The following UBE2D3 variants were observed in gnomAD, a reference collection of about 807,000 sequenced individuals.
The protein encoded by UBE2D3 is ubiquitin-conjugating enzyme E2 D3.
A neutral mutation model predicts 22.8 loss-of-function variants in UBE2D3; 2 were observed. The ratio of observed to expected loss-of-function variants is 0.09; its 90% CI spans 0.04 to 0.28. The LOEUF (loss-of-function observed/expected upper bound fraction) is 0.28. UBE2D3 is among the 10% of genes least tolerant of loss of function. The pLI is 1.00. For synonymous variants in UBE2D3, 56 were observed against 60.4 expected, an observed-to-expected ratio of 0.93 and a Z score of 0.34; for missense variants, 27 against 182.5, an observed-to-expected ratio of 0.15 and a Z score of 4.91.
intron 4 of UBE2D3, among the ~76,000 whole-genome samples, chr4:102,806,496 T>C (rs917127552): frequency 3.3e-5 from 5 of 152,110 alleles, no homozygotes; most frequent in Non-Finnish European, 5.9e-5. Context: ...GACATAATAA[T>C]ACACTTGAAA....
intron 1 of UBE2D3, among the ~76,000 whole-genome samples, chr4:102,867,837 T>C (rs1437110628): frequency 6.6e-6 from 1 of 152,176 alleles, no homozygotes; most frequent in African/African-American, 2.4e-5. Flanking sequence ...AAGATCAAGC[T>C]TGCCCAACAG....
rs576068158 is a variant in UBE2D3 at position 102,863,502 on chromosome 4, C to A, written c.-129+5213G>T. On this transcript the variant is annotated intron_variant, in intron 1 of 7. Transcript: ENST00000338145. ...ACCAACAACATTGGGGATCAAATTTCTTTTTCTTTTTTGAGACAGTCTCAC... is the reference window on the plus strand; with the variant it reads ...ACCAACAACATTGGGGATCAAATTTATTTTTCTTTTTTGAGACAGTCTCAC... 8.6e-5 allele frequency among the ~76,000 whole-genome samples: 13 copies of A among 151,792 alleles called. No homozygotes were observed. The South Asian group carries it at 2.7e-3, about 32-fold the overall frequency.
chr4:102,862,343 T>A (rs223341), intron 1 of UBE2D3, among the ~76,000 whole-genome samples: 81,322 of 151,326 alleles, frequency 0.54, 22,955 homozygotes, highest in African/African-American at 0.68. Context: ...ATTCTTTTTT[T>A]AAAAAAATTG....
At chr4:102,821,840 A>G (rs1169129847) in intron 2 of UBE2D3, among the ~76,000 whole-genome samples, 1 of 152,212 alleles carries the variant, frequency 6.6e-6, no homozygotes, top group Non-Finnish European at 1.5e-5. Context: ...AATGTAATTC[A>G]TGTCACACCC....
upstream of UBE2D3, chr4:102,827,872 G>C: frequency 1.0e-6 from 1 of 985,674 alleles, no homozygotes; most frequent in Non-Finnish European, 1.2e-6. Context: ...ACCATGGGAG[G>C]AAGGTAAAGG....
At chr4:102,819,720 T>C (rs1729293940) in intron 2 of UBE2D3, 1 of 401,456 alleles carries the variant, frequency 2.5e-6, no homozygotes, top group Non-Finnish European at 3.4e-6. Flanking sequence ...GTTCCACAAA[T>C]CATTTGTTAT....
At chr4:102,826,918 G>GC (rs1730605639) in intron 1 of UBE2D3, 1 of 1,019,906 alleles carries the variant, frequency 9.8e-7, no homozygotes, top group Admixed American at 5.7e-5. Flanking sequence ...AGGGTCCGGA[G>GC]CCCAGCAGAG....
chr4:102,842,889 C>G (rs1731836155), intron 1 of UBE2D3, among the ~76,000 whole-genome samples: 1 of 108,156 alleles, frequency 9.2e-6, no homozygotes, highest in Admixed American at 9.6e-5. Flanking sequence ...GTGGGTGGAT[C>G]ACCTGAGGTC....
intron 4 of UBE2D3, among the ~76,000 whole-genome samples, chr4:102,808,773 CA>C (rs1373292946): frequency 6.6e-6 from 1 of 152,096 alleles, no homozygotes; most frequent in East Asian, 1.9e-4. Context: ...AGTATGTACT[CA>C]CATTTGAGAC....
intron 2 of UBE2D3, among the ~76,000 whole-genome samples, chr4:102,820,141 T>C (rs1729366374): frequency 6.6e-6 from 1 of 152,144 alleles, no homozygotes; most frequent in Non-Finnish European, 1.5e-5. Context: ...GAACCAACAA[T>C]AGAGGTCGAA....
At position 102,794,907 on chromosome 4, in the gene UBE2D3, C is replaced by A. The variant is rs759695272; in HGVS notation, c.*2508G>T. On this transcript the variant is annotated 3_prime_UTR_variant, in exon 8 of 8. Coordinates refer to ENST00000453744, the MANE Select transcript of UBE2D3 (RefSeq NM_181891.3). ...TATGCATTAAAAGATTTAGGAAATA[C>A]AAAGACATAGTCAAAACTGATTCTA... The A allele has an allele frequency of 6.6e-6, 1 of 151,996 alleles. No individual in the cohort carries two copies. The highest frequency in any genetic ancestry group is 2.1e-4 in the South Asian group (1 of 4,830). The allele number at this position is 151,996 out of a possible 1,614,324, so 9.4% of individuals were successfully genotyped here. A position where few individuals can be genotyped will look rare whatever the true frequency, so the allele number is the denominator to read the frequency against.
chr4:102,842,036 T>C (rs930516881), intron 1 of UBE2D3, among the ~76,000 whole-genome samples: 7 of 152,202 alleles, frequency 4.6e-5, no homozygotes, highest in Admixed American at 3.3e-4. Context: ...TCTATTAAAC[T>C]GTGATCCTCA....
At chr4:102,815,080 G>C (rs1472306541) in intron 2 of UBE2D3, among the ~76,000 whole-genome samples, 1 of 151,814 alleles carries the variant, frequency 6.6e-6, no homozygotes, top group Non-Finnish European at 1.5e-5. Flanking sequence ...TTTCACTCTT[G>C]TCGCCCATGG....
chr4:102,801,864 G>A (rs529091996), intron 5 of UBE2D3: 18 of 182,300 alleles, frequency 9.9e-5, no homozygotes, highest in Non-Finnish European at 1.5e-4. Flanking sequence ...ATTTATAAAA[G>A]CCCTAACTTT....
intron 2 of UBE2D3, chr4:102,810,370 C>CTGT (rs1553961751): frequency 1.5e-5 from 2 of 136,822 alleles, no homozygotes; most frequent in Non-Finnish European, 3.1e-5. Flanking sequence ...TCAACTCAAC[C>CTGT]TTTTTTTTTT....
At chr4:102,828,095 G>T (rs1478914498), upstream of UBE2D3, 1 of 985,336 alleles carries the variant, frequency 1.0e-6, no homozygotes, top group African/African-American at 1.7e-5. Context: ...GTAAGGCACC[G>T]GCTCGAACTG....
rs372393724 is a variant in UBE2D3, at chr4:102,860,338, G to GGT, written c.-129+8375_-129+8376dup. 9.7e-4 allele frequency among the ~76,000 whole-genome samples: 143 copies of GGT among 146,986 alleles called. 2 individuals are homozygous for GGT. The highest frequency in any genetic ancestry group is 1.2e-3 in the Non-Finnish European group (79 of 66,256). ...GTTCCTTTGGTTGTCATGTTTTCTT[G>GGT]GTGTGTGTGTGTGTGTGTTCAACTG... On this transcript the variant is annotated intron_variant, in intron 1 of 7. Coordinates refer to the UBE2D3 transcript ENST00000338145.
intron 1 of UBE2D3, among the ~76,000 whole-genome samples, chr4:102,850,767 T>C (rs954594626): frequency 3.3e-5 from 5 of 152,210 alleles, no homozygotes; most frequent in African/African-American, 1.2e-4. Flanking sequence ...AGAAATGAAA[T>C]AATGGCATTC....
chr4:102,834,235 A>G (rs993474193), intron 1 of UBE2D3, among the ~76,000 whole-genome samples: 1 of 152,168 alleles, frequency 6.6e-6, no homozygotes, highest in African/African-American at 2.4e-5. Flanking sequence ...AACTTTTCTT[A>G]TACTTTTGTT....
Sources: allele counts gnomAD v4.1 joint callset (sites outside exome capture counted in the v4.1 genomes callset), GRCh38; gene constraint gnomAD v4.1.1; transcripts MANE v1.5; gene names NCBI Gene and HGNC (gene_info 2026-07-23, HGNC 2026-07-21).